Variants in TRIP12 observed in about 807,000 individuals in gnomAD.
TRIP12 encodes the protein E3 ubiquitin-protein ligase TRIP12.
A neutral mutation model predicts 244.2 loss-of-function variants in TRIP12; 25 were observed. The ratio of observed to expected loss-of-function variants is 0.10; its 90% confidence interval spans 0.07 to 0.14. TRIP12 has a LOEUF of 0.14. Ranked by LOEUF, TRIP12 falls within the 10% of genes least tolerant of loss-of-function variation. The pLI is 1.00. For synonymous variants in TRIP12, 905 were observed against 873.1 expected, an observed-to-expected ratio of 1.04 and a Z score of -0.64; for missense variants, 1,677 against 2,486.4, an observed-to-expected ratio of 0.67 and a Z score of 6.92.
In TRIP12 at chr2:229,830,864, G is replaced by C. The variant is rs373147558; in HGVS notation, c.1271-25C>G. 3 of 1,609,928 alleles carry C rather than the reference G, an allele frequency of 1.9e-6. No individual in the cohort carries two copies. The South Asian group carries it at 3.3e-5, about 18-fold the overall frequency. On this transcript the variant is annotated intron_variant, in intron 6 of 41. Coordinates refer to ENST00000675903, the MANE Select transcript of TRIP12 (RefSeq NM_001348323.3). Reference sequence around the variant, plus strand: ...GCTTGGGGTGGAGGGGAAAGATGAGGGTTAGGAGGAGCACTTAAACACATT... The same window carrying C: ...GCTTGGGGTGGAGGGGAAAGATGAGCGTTAGGAGGAGCACTTAAACACATT...
chr2:229,859,825 C>T (rs111474844), intron 3 of TRIP12, among the ~76,000 whole-genome samples: 7 of 152,262 alleles, frequency 4.6e-5, no homozygotes, highest in African/African-American at 1.7e-4. Context: ...CACTAACACT[C>T]GTAATCACAA....
rs533313298 is a variant in TRIP12 at position 229,850,754 on chromosome 2, G to A, written c.1027+8018C>T. 2.0e-5 allele frequency among the ~76,000 whole-genome samples: 3 copies of A among 152,346 alleles called. No individual in the cohort carries two copies. The East Asian group carries it at 5.8e-4, about 29-fold the overall frequency. ...AGTGGGAACGGGGGCTGCACCCGGCGCTTGCGGGCCAGCTGGAGTTCCGGG... is the reference window on the plus strand; with the variant it reads ...AGTGGGAACGGGGGCTGCACCCGGCACTTGCGGGCCAGCTGGAGTTCCGGG... On this transcript the variant is annotated intron_variant, in intron 4 of 41. Transcript: ENST00000675903.
In TRIP12 at chr2:229,795,163, A is replaced by C; in HGVS notation, c.3968+16T>G. ...AAATTCCAGTGGCAAGGGTATAGCC[A>C]GGCAATGGTCCTTACCTGCCTCCTG... On this transcript the variant is annotated intron_variant, in intron 26 of 41. Transcript: ENST00000675903. The C allele has an allele frequency of 6.2e-7, 1 of 1,611,312 alleles. No individual in the cohort carries two copies. Among genetic ancestry groups the C allele is most frequent in the Non-Finnish European group, 8.5e-7 (1 of 1,178,618 alleles).
chr2:229,859,625 C>A, intron 3 of TRIP12, 51 bp from the exon 4 acceptor site: 1 of 1,546,668 alleles, frequency 6.5e-7, no homozygotes, highest in Non-Finnish European at 8.7e-7. Flanking sequence ...ATAATTACAA[C>A]TGTCATATAT....
At position 229,822,006 on chromosome 2, in the gene TRIP12, GGT is replaced by G. The variant is rs1575511659; in HGVS notation, c.1451-3496_1451-3495del. On this transcript the variant is annotated intron_variant, in intron 8 of 41. Coordinates refer to ENST00000675903, the MANE Select transcript of TRIP12 (RefSeq NM_001348323.3). ...AATACAAAAATTAGCCGGGCGCGGT[GGT>G]GTGCACCTGCAGTCCCAGATACGTG... Among the ~76,000 whole-genome samples the G allele has an allele frequency of 2.6e-5, 4 of 152,274 alleles. No homozygotes were observed. In the East Asian group the frequency reaches 7.7e-4, roughly 29 times the overall value.
rs1232321383 is a variant in TRIP12, at chr2:229,785,624, CA to C, written c.5094+132del. On this transcript the variant is annotated intron_variant, in intron 34 of 41. Coordinates refer to ENST00000675903, the MANE Select transcript of TRIP12 (RefSeq NM_001348323.3). ...CCTTTGAAAAATGGAGAACTTAGAA[CA>C]AATCATTCAAGAGAAAAGAGAGCAA... 38 of 804,652 alleles carry C rather than the reference CA, an allele frequency of 4.7e-5. No individual in the cohort carries two copies. In the East Asian group the frequency reaches 9.9e-4, roughly 21 times the overall value. The allele number at this position is 804,652 out of a possible 1,614,324, so 49.8% of individuals were successfully genotyped here. A position where few individuals can be genotyped will look rare whatever the true frequency, so the allele number is the denominator to read the frequency against.
intron 18 of TRIP12, among the ~76,000 whole-genome samples, chr2:229,805,155 T>A (rs1293905682): frequency 6.6e-6 from 1 of 151,984 alleles, no homozygotes; most frequent in African/African-American, 2.4e-5. Context: ...TCTGCCTGCC[T>A]CAGCCTCCCA....
intron 2 of TRIP12, among the ~76,000 whole-genome samples, chr2:229,864,001 T>A (rs1311952803): frequency 5.3e-5 from 6 of 113,516 alleles, no homozygotes; most frequent in African/African-American, 2.0e-4. Flanking sequence ...AAGATTTGGG[T>A]GAAAGAGAGA....
At chr2:229,883,970 G>A (rs1289917341) in intron 1 of TRIP12, among the ~76,000 whole-genome samples, 1 of 151,924 alleles carries the variant, frequency 6.6e-6, no homozygotes, top group Non-Finnish European at 1.5e-5. Flanking sequence ...TTAGCCAGGT[G>A]TGGTAGTGCG....
intron 1 of TRIP12, among the ~76,000 whole-genome samples, chr2:229,884,533 G>A (rs894773280): frequency 8.5e-5 from 13 of 152,110 alleles, no homozygotes; most frequent in African/African-American, 2.7e-4. Context: ...CACTGCCTGT[G>A]CCTGGCCGGA....
chr2:229,774,048 G>A (rs1471585615), intron 38 of TRIP12, 49 bp downstream of exon 38: 15 of 1,579,358 alleles, frequency 9.5e-6, no homozygotes, highest in Non-Finnish European at 1.3e-5. Context: ...ATCAGGCAAA[G>A]TCCTCCGTCT....
intron 6 of TRIP12, 50 bp from the exon 7 acceptor site, chr2:229,830,889 T>C: frequency 6.3e-7 from 1 of 1,576,534 alleles, no homozygotes; most frequent in Non-Finnish European, 8.7e-7. Flanking sequence ...TTAAACACAT[T>C]ATGTCTGGCT....
Position 229,769,212 on chromosome 2 carries a change from G to T in TRIP12, c.5903+19C>A. On this transcript the variant is annotated intron_variant, in intron 40 of 41. Transcript: ENST00000675903. ...ATTCTTCAGAATCAACAGAAAAACT[G>T]GCAGACCCCAGTACTTACCTGTCAT... 1 of 1,603,332 alleles carries T rather than the reference G, an allele frequency of 6.2e-7. No homozygotes were observed. The highest frequency in any genetic ancestry group is 8.5e-7 in the Non-Finnish European group (1 of 1,174,212).
chr2:229,908,281 A>C (rs537278373), intron 1 of TRIP12, among the ~76,000 whole-genome samples: 1 of 152,358 alleles, frequency 6.6e-6, no homozygotes, highest in South Asian at 2.1e-4. Context: ...AAAGTGATAC[A>C]TCAAAAAGGG....
At chr2:229,805,615 G>T in intron 18 of TRIP12, 115 bp downstream of exon 18, 1 of 1,075,502 alleles carries the variant, frequency 9.3e-7, no homozygotes, top group South Asian at 3.4e-5. Flanking sequence ...CCAAATTATT[G>T]TTATGCAATT....
chr2:229,791,645 G>C (rs991412152), intron 29 of TRIP12: 11 of 565,016 alleles, frequency 1.9e-5, no homozygotes, highest in African/African-American at 1.5e-4. Context: ...TGTAAACCAT[G>C]ATTACTGTCC....
Position 229,859,391 on chromosome 2 carries a change from T to C in TRIP12, c.408A>G (p.Ala136=). ...CTGAGGGAGATTCAGTATGCTGAAG[T>C]GCTTTTGGTTTTTTTGCAGAGCTAG... The part of the protein sequence containing the change: ...NSPSSAKKPK[A]LQHTESPSET... Residue 136 remains alanine (A), a synonymous_variant, in exon 4 of 42, where the codon GCA becomes GCG. Transcript: ENST00000675903. 6.2e-7 allele frequency: 1 copy of C among 1,614,190 alleles called. No individual in the cohort carries two copies. Among genetic ancestry groups the C allele is most frequent in the Admixed American group, 1.7e-5 (1 of 60,026 alleles).
chr2:229,899,494 GGT>G (rs760557333), intron 1 of TRIP12, among the ~76,000 whole-genome samples: 1 of 152,174 alleles, frequency 6.6e-6, no homozygotes, highest in Non-Finnish European at 1.5e-5. Context: ...CTTGAAGTGA[GGT>G]GTGCAGATAG....
chr2:229,855,117 A>G (rs1242860075), intron 4 of TRIP12, among the ~76,000 whole-genome samples: 2 of 152,152 alleles, frequency 1.3e-5, no homozygotes, highest in Non-Finnish European at 2.9e-5. Flanking sequence ...ATCACAAAAA[A>G]TTAGCCGGGC....
Sources: allele counts gnomAD v4.1 joint callset (sites outside exome capture counted in the v4.1 genomes callset), GRCh38; gene constraint gnomAD v4.1.1; transcripts MANE v1.5; gene names NCBI Gene and HGNC (gene_info 2026-07-23, HGNC 2026-07-21).